Variants in MYO19 observed in about 807,000 individuals in gnomAD.
MYO19 encodes the protein myosin XIX, also known as unconventional myosin-XIX.
MYO19 carries 132 observed loss-of-function variants against 129.2 expected under a neutral mutation model. The ratio of observed to expected loss-of-function variants is 1.02; its 90% CI spans 0.89 to 1.18. The LOEUF (loss-of-function observed/expected upper bound fraction) is 1.18. Among genes scored for constraint, MYO19 ranks in the 50% most tolerant of loss-of-function variants. The pLI is 0.00. For missense variants in MYO19, 1,210 were observed against 1,216.7 expected, an observed-to-expected ratio of 0.99 and a Z score of 0.08; for synonymous variants, 531 against 477.2, an observed-to-expected ratio of 1.11 and a Z score of -1.47.
intron 6 of MYO19, among the ~76,000 whole-genome samples, chr17:36,518,150 A>G (rs1158497959): frequency 2.0e-5 from 3 of 151,244 alleles, no homozygotes; most frequent in Admixed American, 6.6e-5. Context: ...TTAGTTCAAA[A>G]TATTTTCTAA....
At chr17:36,529,212 T>G (rs1599419782) in intron 3 of MYO19, among the ~76,000 whole-genome samples, 2 of 152,074 alleles carry the variant, frequency 1.3e-5, no homozygotes, top group East Asian at 3.8e-4. Context: ...CAGGCTGCAG[T>G]GCAGTGGCAT....
chr17:36,499,996 T>A (rs2071394588), intron 23 of MYO19: 1 of 151,948 alleles, frequency 6.6e-6, no homozygotes, highest in Non-Finnish European at 1.5e-5. Flanking sequence ...GTAGCTAGGA[T>A]TATAGGTGCA....
chr17:36,496,126 G>T lies in MYO19; in HGVS notation c.*125C>A. On this transcript the variant is annotated 3_prime_UTR_variant, in exon 26 of 26. Transcript: ENST00000614623. Reference sequence around the variant, plus strand: ...ACGGGGCTCTGGGTCGAAGGCTGGAGCCGTCACTGTTGTTCATGTGCATTT... The same window carrying T: ...ACGGGGCTCTGGGTCGAAGGCTGGATCCGTCACTGTTGTTCATGTGCATTT... 1 of 1,322,046 alleles carries T rather than the reference G, an allele frequency of 7.6e-7. No homozygotes were observed. Among genetic ancestry groups the T allele is most frequent in the Non-Finnish European group, 1.1e-6 (1 of 948,498 alleles). 81.9% of individuals were successfully genotyped at this position (1,322,046 alleles called of 1,614,324 possible).
intron 3 of MYO19, among the ~76,000 whole-genome samples, chr17:36,531,862 T>A (rs2073856062): frequency 6.6e-6 from 1 of 152,204 alleles, no homozygotes; most frequent in South Asian, 2.1e-4. Context: ...GCCCAGTGCC[T>A]GGCAACACTT....
intron 6 of MYO19, 140 bp from the exon 7 acceptor site, chr17:36,516,130 T>G: frequency 1.0e-6 from 1 of 998,198 alleles, no homozygotes; most frequent in Non-Finnish European, 1.4e-6. Flanking sequence ...AATTCAACCC[T>G]GGCCTCAGGC....
intron 3 of MYO19, among the ~76,000 whole-genome samples, chr17:36,529,479 T>C (rs774558188): frequency 2.0e-4 from 31 of 152,124 alleles, no homozygotes; most frequent in Non-Finnish European, 7.3e-5. Context: ...ATACAACAGG[T>C]GAATTTCCAA....
intron 4 of MYO19, 64 bp downstream of exon 4, chr17:36,528,000 G>C (rs2073585481): frequency 6.3e-7 from 1 of 1,575,026 alleles, no homozygotes; most frequent in Non-Finnish European, 8.7e-7. Context: ...AAGCTGTGCT[G>C]ACTACTCTCA....
Position 36,507,566 on chromosome 17 carries a change from G to A in MYO19, c.1354-54C>T, listed in dbSNP as rs371970681. 4.5e-6 allele frequency: 7 copies of A among 1,564,494 alleles called. No individual in the cohort carries two copies. In the East Asian group the frequency reaches 6.7e-5, roughly 15 times the overall value. On this transcript the variant is annotated intron_variant, in intron 15 of 25. Transcript: ENST00000614623. The stretch of plus-strand genomic sequence containing the variant: ...GAAGGCAGCTGTGGTCTGATGTCCT[G>A]ACGGGCCATCCACGGCTGGCCTCGG...
chr17:36,528,725 A>T (rs1471492413), intron 3 of MYO19, among the ~76,000 whole-genome samples: 1 of 152,166 alleles, frequency 6.6e-6, no homozygotes, highest in Non-Finnish European at 1.5e-5. Flanking sequence ...ATAAAGGAAA[A>T]TAAACTCAAC....
chr17:36,536,665 C>T (rs1163645630), upstream of MYO19, among the ~76,000 whole-genome samples: 2 of 151,818 alleles, frequency 1.3e-5, no homozygotes, highest in Non-Finnish European at 2.9e-5. Flanking sequence ...CAGGCGGGTG[C>T]CATCACGCCT....
At chr17:36,502,401 G>A (rs1426953193) in intron 21 of MYO19, among the ~76,000 whole-genome samples, 1 of 152,110 alleles carries the variant, frequency 6.6e-6, no homozygotes, top group Non-Finnish European at 1.5e-5. Flanking sequence ...TCACTTCCCA[G>A]GCTAAGTTAA....
Position 36,507,817 on chromosome 17 carries a change from G to A in MYO19, c.1339C>T (p.Leu447=), listed in dbSNP as rs1367349108. 6.2e-7 allele frequency: 1 copy of A among 1,612,514 alleles called. No individual in the cohort carries two copies. Among genetic ancestry groups the A allele is most frequent in the African/African-American group, 1.3e-5 (1 of 74,894 alleles). Residue 447 remains leucine, a synonymous_variant, in exon 15 of 26, where the codon CTA becomes TTA. Coordinates refer to ENST00000614623, the MANE Select transcript of MYO19 (RefSeq NM_001163735.2). ...KLQQHFVAHY[L]RAQQEEYAVE... ...CCATCCCTCACCTGCTGGGCCCTTAGGTAGTGAGCCACAAAATGCTGCTGC... is the reference window on the plus strand; with the variant it reads ...CCATCCCTCACCTGCTGGGCCCTTAAGTAGTGAGCCACAAAATGCTGCTGC...
chr17:36,512,574 C>A, intron 11 of MYO19: 1 of 1,236,356 alleles, frequency 8.1e-7, no homozygotes, highest in South Asian at 1.4e-5. Flanking sequence ...ATGCCCACCC[C>A]CAAAGCACTC....
At chr17:36,522,490 G>T (rs942865535) in intron 6 of MYO19, among the ~76,000 whole-genome samples, 1 of 151,000 alleles carries the variant, frequency 6.6e-6, no homozygotes, top group Admixed American at 6.6e-5. Context: ...CAGCCTAGGC[G>T]ACAGTGCGAG....
chr17:36,495,802 A>G lies in MYO19; in HGVS notation c.*449T>C. On this transcript the variant is annotated 3_prime_UTR_variant, in exon 26 of 26. Coordinates refer to ENST00000614623, the MANE Select transcript of MYO19 (RefSeq NM_001163735.2). ...AATTGTTTGAAATTACATTAAATAA[A>G]TCAACTAATTAAATACTAAAGTTTT... The G allele has an allele frequency of 8.1e-7, 1 of 1,240,916 alleles. No individual in the cohort carries two copies. Among genetic ancestry groups the G allele is most frequent in the East Asian group, 3.1e-5 (1 of 32,444 alleles). 76.9% of individuals were successfully genotyped at this position (1,240,916 alleles called of 1,614,324 possible). A position where few individuals can be genotyped will look rare whatever the true frequency, so the allele number is the denominator to read the frequency against.
intron 20 of MYO19, among the ~76,000 whole-genome samples, chr17:36,503,424 C>G (rs1052868093): frequency 3.3e-5 from 5 of 152,240 alleles, no homozygotes; most frequent in Non-Finnish European, 5.9e-5. Context: ...GCTCTCCCTG[C>G]TGCCTTGGTC....
chr17:36,544,638 C>T (rs113185569), upstream of MYO19, among the ~76,000 whole-genome samples: 1 of 152,220 alleles, frequency 6.6e-6, no homozygotes, highest in Non-Finnish European at 1.5e-5. Context: ...GCTTGCCCCT[C>T]GTCCGTGGGG....
chr17:36,537,046 A>G, upstream of MYO19: 1 of 1,480,800 alleles, frequency 6.8e-7, no homozygotes. Context: ...CTAATTACAC[A>G]AGAATGCTGC....
Position 36,513,710 on chromosome 17 carries a change from T to C in MYO19, c.736A>G (p.Ser246Gly), listed in dbSNP as rs1599318165. 6.2e-7 allele frequency: 1 copy of C among 1,613,610 alleles called. No individual in the cohort carries two copies. Among genetic ancestry groups the C allele is most frequent in the Non-Finnish European group, 8.5e-7 (1 of 1,179,754 alleles). The change falls in exon 10 of 26, where the codon AGT (serine) becomes GGT (glycine). Residue 246 changes from serine (S) to glycine (G), a missense_variant. Transcript: ENST00000614623. The part of the protein sequence containing the change: ...HIFYQICKGA[S>G]EDERLQWHLP... ...TGCCACTGGAGCCTCTCGTCCTCACTGGCTCCTTTGCAAATCTGTGGAGAA... is the reference window on the plus strand; with the variant it reads ...TGCCACTGGAGCCTCTCGTCCTCACCGGCTCCTTTGCAAATCTGTGGAGAA...
Sources: gnomAD v4.1 joint callset for allele counts (sites outside exome capture counted in the v4.1 genomes callset) on GRCh38, gnomAD v4.1.1 for gene constraint, MANE v1.5 for transcripts, NCBI Gene and HGNC (gene_info 2026-07-23, HGNC 2026-07-21) for gene names.